The following SPOCK3 variants were observed in gnomAD, a reference collection of about 807,000 sequenced individuals.
The protein encoded by SPOCK3 is SPARC (osteonectin), cwcv and kazal like domains proteoglycan 3.
A neutral mutation model predicts 56.6 loss-of-function variants in SPOCK3; 30 were observed. That is an observed-to-expected ratio of 0.53 (90% CI 0.40 to 0.72). The LOEUF is 0.72. SPOCK3 is among the 30% of genes least tolerant of loss of function. The probability of loss-of-function intolerance (pLI) is 0.00; values close to 1 mark genes in which losing one functional copy is unlikely to be tolerated. For synonymous variants in SPOCK3, 196 were observed against 183.3 expected (o/e 1.07, Z -0.56); for missense variants, 527 against 530.0 (o/e 0.99, Z 0.06).
intron 2 of SPOCK3, among the ~76,000 whole-genome samples, chr4:167,192,077 C>T (rs1732514905): frequency 6.9e-6 from 1 of 145,828 alleles, no homozygotes; most frequent in Non-Finnish European, 1.5e-5. Context: ...TGTCATATAT[C>T]ACACTTAATG....
At chr4:166,968,306 A>T (rs754085980) in intron 4 of SPOCK3, among the ~76,000 whole-genome samples, 2 of 152,212 alleles carry the variant, frequency 1.3e-5, no homozygotes, top group African/African-American at 2.4e-5. Context: ...CATAATTAAG[A>T]GTTGAATTTT....
chr4:167,163,619 C>T (rs1765511339), intron 2 of SPOCK3, among the ~76,000 whole-genome samples: 2 of 151,926 alleles, frequency 1.3e-5, no homozygotes, highest in African/African-American at 2.4e-5. Flanking sequence ...CATCATTCTG[C>T]TGCCTATCTC....
intron 2 of SPOCK3, among the ~76,000 whole-genome samples, chr4:167,127,960 A>G (rs943815116): frequency 5.3e-5 from 8 of 152,228 alleles, no homozygotes; most frequent in African/African-American, 1.9e-4. Context: ...GACGTTTAAT[A>G]GCTCCCTTGG....
intron 3 of SPOCK3, among the ~76,000 whole-genome samples, chr4:167,039,073 T>C (rs1753017548): frequency 6.6e-6 from 1 of 152,152 alleles, no homozygotes; most frequent in Non-Finnish European, 1.5e-5. Flanking sequence ...TCTTGAGGGC[T>C]CCAAGAGACG....
chr4:167,002,451 G>C (rs1749035186), intron 3 of SPOCK3, among the ~76,000 whole-genome samples: 1 of 152,004 alleles, frequency 6.6e-6, no homozygotes, highest in Non-Finnish European at 1.5e-5. Flanking sequence ...ATTATTCCAT[G>C]CTAAAGTGGT....
intron 5 of SPOCK3, among the ~76,000 whole-genome samples, chr4:166,901,109 C>T (rs1426688491): frequency 1.3e-5 from 2 of 152,096 alleles, no homozygotes; most frequent in Non-Finnish European, 2.9e-5. Context: ...GAGATGGCAC[C>T]AGCTCCTGAA....
chr4:166,848,654 A>G (rs939470183), intron 6 of SPOCK3, among the ~76,000 whole-genome samples: 2 of 152,182 alleles, frequency 1.3e-5, no homozygotes, highest in African/African-American at 4.8e-5. Flanking sequence ...AACAGAATAT[A>G]TTATATCTAC....
At chr4:167,012,752 C>A (rs1750213661) in intron 3 of SPOCK3, among the ~76,000 whole-genome samples, 1 of 151,940 alleles carries the variant, frequency 6.6e-6, no homozygotes, top group African/African-American at 2.4e-5. Context: ...GTAACTTTAA[C>A]ATGATTTTAA....
At chr4:167,038,825 T>C (rs1442051676) in intron 3 of SPOCK3, among the ~76,000 whole-genome samples, 25 of 152,134 alleles carry the variant, frequency 1.6e-4, no homozygotes, top group Admixed American at 1.6e-3. Flanking sequence ...AATATTAAAA[T>C]CAAAACTAGG....
At chr4:167,084,620 AT>A (rs1758021065) in intron 2 of SPOCK3, among the ~76,000 whole-genome samples, 1 of 152,176 alleles carries the variant, frequency 6.6e-6, no homozygotes, top group African/African-American at 2.4e-5. Context: ...ATTATTCTAA[AT>A]TTCCTATCAT....
chr4:166,915,863 C>T (rs17052669), intron 4 of SPOCK3, among the ~76,000 whole-genome samples: 3,420 of 152,202 alleles, frequency 0.022, 112 homozygotes, highest in African/African-American at 0.068. Context: ...AGTTAGTTAT[C>T]TGAAATTATT....
chr4:167,195,956 G>T (rs558950853), intron 2 of SPOCK3, among the ~76,000 whole-genome samples: 1 of 152,132 alleles, frequency 6.6e-6, no homozygotes, highest in South Asian at 2.1e-4. Context: ...CTATTCTGTC[G>T]TATTGCTGAT....
chr4:167,074,613 T>C (rs188722365), intron 2 of SPOCK3, among the ~76,000 whole-genome samples: 4 of 152,006 alleles, frequency 2.6e-5, no homozygotes, highest in Admixed American at 2.6e-4. Flanking sequence ...GATTTCAAAA[T>C]GACATCCTAT....
chr4:166,780,824 C>A (rs1370964314), intron 7 of SPOCK3, among the ~76,000 whole-genome samples: 3 of 152,150 alleles, frequency 2.0e-5, no homozygotes, highest in African/African-American at 7.2e-5. Context: ...GAAGTGCCAA[C>A]CTTCTATCAA....
At chr4:166,744,055 G>A (rs1031809383) in intron 8 of SPOCK3, among the ~76,000 whole-genome samples, 2 of 152,202 alleles carry the variant, frequency 1.3e-5, no homozygotes, top group Non-Finnish European at 2.9e-5. Flanking sequence ...AAAGGCAACA[G>A]AAACTTCTGC....
chr4:167,185,048 G>C (rs1020931517), intron 2 of SPOCK3, among the ~76,000 whole-genome samples: 5 of 152,060 alleles, frequency 3.3e-5, no homozygotes, highest in African/African-American at 4.8e-5. Flanking sequence ...TATTTTGTTC[G>C]CATTATGTGT....
intron 2 of SPOCK3, among the ~76,000 whole-genome samples, chr4:167,121,710 T>C (rs1761879131): frequency 6.6e-6 from 1 of 152,156 alleles, no homozygotes; most frequent in Non-Finnish European, 1.5e-5. Flanking sequence ...TAGCTCCCCA[T>C]TTCCTCACCC....
At chr4:167,051,138 C>T (rs950859942) in intron 3 of SPOCK3, among the ~76,000 whole-genome samples, 1 of 151,934 alleles carries the variant, frequency 6.6e-6, no homozygotes, top group African/African-American at 2.4e-5. Context: ...AAACAAAAAG[C>T]CTAAGCACAC....
chr4:166,762,256 T>C (rs1737340921), intron 7 of SPOCK3, among the ~76,000 whole-genome samples: 1 of 152,120 alleles, frequency 6.6e-6, no homozygotes. Context: ...TAGGTCCCTA[T>C]TACCTTGAAG....
Sources: allele counts gnomAD v4.1 joint callset (sites outside exome capture counted in the v4.1 genomes callset), GRCh38; gene constraint gnomAD v4.1.1; transcripts MANE v1.5; gene names NCBI Gene and HGNC (gene_info 2026-07-23, HGNC 2026-07-21).